The following TRIT1 variants were observed in gnomAD, a reference collection of about 807,000 sequenced individuals.
TRIT1 encodes the protein tRNA isopentenyltransferase 1.
In TRIT1, 43 loss-of-function variants were observed where a neutral mutation model predicts 51.2. That is an observed-to-expected ratio of 0.84 (90% CI 0.66 to 1.08). The LOEUF is 1.08. TRIT1 is among the 50% of genes least tolerant of loss of function. The pLI is 0.00. For synonymous variants in TRIT1, 184 were observed against 203.9 expected (o/e 0.90, Z 0.83); for missense variants, 528 against 578.4 (o/e 0.91, Z 0.89).
At chr1:39,862,672 G>T in intron 1 of TRIT1, 3 of 555,834 alleles carry the variant, frequency 5.4e-6, no homozygotes, top group Non-Finnish European at 6.8e-6. Context: ...TATCACATTT[G>T]GTCCAGAGGT....
chr1:39,859,663 CTCTCTT>C (rs1265437755), intron 1 of TRIT1, among the ~76,000 whole-genome samples: 1 of 152,120 alleles, frequency 6.6e-6, no homozygotes, highest in African/African-American at 2.4e-5. Flanking sequence ...TCCTCTCTCT[CTCTCTT>C]TTTCTCACAG....
At chr1:39,876,942 A>G (rs1644079570) in intron 1 of TRIT1, among the ~76,000 whole-genome samples, 1 of 147,542 alleles carries the variant, frequency 6.8e-6, no homozygotes, top group Non-Finnish European at 1.5e-5. Flanking sequence ...AAAAAAAACA[A>G]AAAAAAAAGG....
chr1:39,858,619 T>C (rs1273000697), intron 1 of TRIT1, among the ~76,000 whole-genome samples: 1 of 152,214 alleles, frequency 6.6e-6, no homozygotes, highest in Non-Finnish European at 1.5e-5. Flanking sequence ...ATAATTTTAG[T>C]GTTACTGTTT....
chr1:39,847,072 T>A, intron 8 of TRIT1, 148 bp downstream of exon 8: 1 of 585,660 alleles, frequency 1.7e-6, no homozygotes, highest in Non-Finnish European at 2.9e-6. Context: ...TATCCCTGGA[T>A]AATCATTTAT....
intron 1 of TRIT1, among the ~76,000 whole-genome samples, chr1:39,878,871 A>AT: frequency 6.6e-6 from 1 of 152,342 alleles, no homozygotes; most frequent in Non-Finnish European, 1.5e-5. Context: ...CACTTGACAG[A>AT]TATCACTATG....
chr1:39,869,116 C>G (rs1643722798), intron 1 of TRIT1, among the ~76,000 whole-genome samples: 1 of 151,996 alleles, frequency 6.6e-6, no homozygotes, highest in Non-Finnish European at 1.5e-5. Context: ...CATGGTCTCC[C>G]TCTCCCTCTC....
intron 1 of TRIT1, among the ~76,000 whole-genome samples, chr1:39,861,599 C>T (rs199529933): frequency 7.2e-4 from 110 of 152,198 alleles, no homozygotes; most frequent in African/African-American, 2.5e-3. Context: ...ATGTGGTCTA[C>T]GCATACAAAT....
chr1:39,844,479 A>G, intron 9 of TRIT1, 52 bp downstream of exon 9: 1 of 1,421,420 alleles, frequency 7.0e-7, no homozygotes, highest in Non-Finnish European at 9.9e-7. Context: ...GTGTCAGCTA[A>G]TGAAAGTGCT....
At position 39,838,864 on chromosome 1, in the gene TRIT1, A is replaced by G. The variant is rs1652472296; in HGVS notation, c.*2880T>C. The stretch of plus-strand genomic sequence containing the variant: ...TTTAAGCAAAAAAATCCTCTTTGGA[A>G]CTAAAGAGAGCTAAGAGAGGACAAA... On this transcript the variant is annotated 3_prime_UTR_variant, in exon 11 of 11. Transcript: ENST00000316891. Among the ~76,000 whole-genome samples, 1 of 149,596 alleles carries G rather than the reference A, an allele frequency of 6.7e-6. No individual in the cohort carries two copies. The highest frequency in any genetic ancestry group is 2.5e-5 in the African/African-American group (1 of 40,674).
intron 1 of TRIT1, among the ~76,000 whole-genome samples, chr1:39,880,989 G>T (rs137882240): frequency 6.6e-6 from 1 of 151,842 alleles, no homozygotes; most frequent in Non-Finnish European, 1.5e-5. Flanking sequence ...AGGCTGGAGC[G>T]GGTGGATCAC....
intron 1 of TRIT1, among the ~76,000 whole-genome samples, chr1:39,869,069 C>T (rs1643716880): frequency 6.6e-6 from 1 of 151,168 alleles, no homozygotes; most frequent in South Asian, 2.1e-4. Context: ...TGAAAAAAAG[C>T]TCTCCCTCTC....
chr1:39,850,567 G>C (rs1642503080), intron 4 of TRIT1, among the ~76,000 whole-genome samples: 1 of 152,086 alleles, frequency 6.6e-6, no homozygotes, highest in African/African-American at 2.4e-5. Context: ...AAGGTCTAGG[G>C]TTACTCCAGT....
intron 1 of TRIT1, chr1:39,862,829 C>G: frequency 2.0e-6 from 2 of 985,404 alleles, no homozygotes. Flanking sequence ...ATCACTCTAC[C>G]TACAATCAGC....
chr1:39,852,366 C>T (rs114059149), intron 4 of TRIT1, among the ~76,000 whole-genome samples: 3,406 of 152,218 alleles, frequency 0.022, 67 homozygotes, highest in Non-Finnish European at 0.032. Flanking sequence ...GGGCAGAACA[C>T]GGCATTGCAT....
chr1:39,865,575 G>A (rs546746251), intron 1 of TRIT1, among the ~76,000 whole-genome samples: 2 of 144,900 alleles, frequency 1.4e-5, no homozygotes, highest in South Asian at 2.2e-4. Context: ...GGTGGCTCAC[G>A]CCTGTAATCC....
At chr1:39,843,005 T>C (rs568446198) in intron 10 of TRIT1, among the ~76,000 whole-genome samples, 3 of 152,262 alleles carry the variant, frequency 2.0e-5, no homozygotes, top group South Asian at 2.1e-4. Context: ...TCTAAGGCTA[T>C]CCCTGAAGAA....
intron 1 of TRIT1, among the ~76,000 whole-genome samples, chr1:39,880,394 T>C (rs1644221148): frequency 6.6e-6 from 1 of 152,176 alleles, no homozygotes; most frequent in Non-Finnish European, 1.5e-5. Context: ...GAAAATGTTA[T>C]TTCAAGTAGC....
At position 39,848,107 on chromosome 1, in the gene TRIT1, A is replaced by G. The variant is rs1409745702; in HGVS notation, c.704-10T>C. ...AAGCGCTCATCTAGAACTTGAATCA[A>G]ATTAGCCCATCAACCAGCAAGCAAG... On this transcript the variant is annotated splice_polypyrimidine_tract_variant and intron_variant, in intron 5 of 10. Transcript: ENST00000316891. 6.2e-7 allele frequency: 1 copy of G among 1,611,188 alleles called. No homozygotes were observed. Among genetic ancestry groups the G allele is most frequent in the Non-Finnish European group, 8.5e-7 (1 of 1,177,322 alleles).
chr1:39,842,972 C>G (rs1324945981), intron 10 of TRIT1, among the ~76,000 whole-genome samples: 1 of 152,138 alleles, frequency 6.6e-6, no homozygotes, highest in Non-Finnish European at 1.5e-5. Flanking sequence ...GCTAAGCTCA[C>G]AAAGGCTCAC....
Sources: gnomAD v4.1 joint callset for allele counts (sites outside exome capture counted in the v4.1 genomes callset) on GRCh38, gnomAD v4.1.1 for gene constraint, MANE v1.5 for transcripts, NCBI Gene and HGNC (gene_info 2026-07-23, HGNC 2026-07-21) for gene names.